PRPF6: variants seen among roughly 807,000 people sequenced by gnomAD.
The protein encoded by PRPF6 is pre-mRNA processing factor 6, also known as pre-mRNA-processing factor 6.
Under a neutral mutation model 118.3 loss-of-function variants are expected in PRPF6, and 42 were observed. That is an observed-to-expected ratio of 0.35 (90% CI 0.28 to 0.46). The LOEUF (loss-of-function observed/expected upper bound fraction) is 0.46, where lower values mean the gene tolerates loss of function less well. Ranked by LOEUF, PRPF6 falls within the 20% of genes least tolerant of loss-of-function variation. The pLI is 1.00. For missense variants in PRPF6, 662 were observed against 1,255.7 expected, an observed-to-expected ratio of 0.53 and a Z score of 7.15; for synonymous variants, 481 against 485.1, an observed-to-expected ratio of 0.99 and a Z score of 0.11.
chr20:64,031,704 A>C lies in PRPF6; in HGVS notation c.2547-214A>C, dbSNP rs6062613. 7.5e-3 allele frequency among the ~76,000 whole-genome samples: 1,137 copies of C among 151,744 alleles called. 6 individuals are homozygous for C. Among genetic ancestry groups the C allele is most frequent in the Non-Finnish European group, 0.012 (841 of 67,922 alleles). On this transcript the variant is annotated intron_variant, in intron 19 of 20. Transcript: ENST00000266079. Reference sequence around the variant, plus strand: ...AAAAAAAAAAAAACAACAAAAAAAAACCAATTTGGTTAGACCCGTGAAGGG... The same window carrying C: ...AAAAAAAAAAAAACAACAAAAAAAACCCAATTTGGTTAGACCCGTGAAGGG...
At position 64,033,070 on chromosome 20, in the gene PRPF6, T is replaced by A. The variant is rs904688584; in HGVS notation, c.*77T>A. ...GAAGGGCTCTGAGCTGTGTCCTCCT[T>A]CATTAAAAGTTTTTATGTCTCGTGT... On this transcript the variant is annotated 3_prime_UTR_variant, in exon 21 of 21. Coordinates refer to ENST00000266079, the MANE Select transcript of PRPF6 (RefSeq NM_012469.4). 1.3e-6 allele frequency: 2 copies of A among 1,590,468 alleles called. No individual in the cohort carries two copies. Among genetic ancestry groups the A allele is most frequent in the Non-Finnish European group, 1.7e-6 (2 of 1,165,260 alleles).
Position 64,011,296 on chromosome 20 carries a change from T to C in PRPF6, c.1317T>C (p.Ala439=), listed in dbSNP as rs1194858176. The C allele has an allele frequency of 3.7e-6, 6 of 1,614,022 alleles. No homozygotes were observed. The highest frequency in any genetic ancestry group is 2.7e-5 in the African/African-American group (2 of 74,930). Residue 439 remains alanine (A), a synonymous_variant, in exon 11 of 21, where the codon GCT becomes GCC. Coordinates refer to ENST00000266079, the MANE Select transcript of PRPF6 (RefSeq NM_012469.4). This position sits in a 1 kb window ranked among gnomAD's most constrained non-coding sequence, Gnocchi z 6.7. Reference sequence around the variant, plus strand: ...TCCTCTCCGCGTAGCTCTGGCTTGCTCTGGCAAGGCTGGAGACCTATGAAA... The same window carrying C: ...TCCTCTCCGCGTAGCTCTGGCTTGCCCTGGCAAGGCTGGAGACCTATGAAA... ...CCPTSVELWL[A]LARLETYENA...
chr20:64,007,037 A>G (rs181250374), intron 9 of PRPF6, among the ~76,000 whole-genome samples: 136 of 152,304 alleles, frequency 8.9e-4, no homozygotes, highest in Non-Finnish European at 1.5e-3. Context: ...GACTCCCCAG[A>G]GGTTGTCAGT....
intron 3 of PRPF6, among the ~76,000 whole-genome samples, 160 bp from the exon 4 acceptor site, chr20:63,993,247 T>G (rs895910815): frequency 7.3e-6 from 1 of 137,818 alleles, no homozygotes; most frequent in Admixed American, 7.3e-5. Flanking sequence ...TGTGTGTGTG[T>G]GTGTGTGTGT....
At chr20:64,005,877 G>A (rs528856069) in intron 9 of PRPF6, among the ~76,000 whole-genome samples, 10 of 152,218 alleles carry the variant, frequency 6.6e-5, no homozygotes, top group African/African-American at 2.4e-4. Context: ...TGGGACTCCA[G>A]GGACATACCA....
At position 64,032,821 on chromosome 20, in the gene PRPF6, G is replaced by A. The variant is rs138298258; in HGVS notation, c.2674-20G>A. Reference sequence around the variant, plus strand: ...TAGCGTGGGAGGACCCCTGCCTGACGTGCCCTGTGGTCCCCCCAGGAGCAG... The same window carrying A: ...TAGCGTGGGAGGACCCCTGCCTGACATGCCCTGTGGTCCCCCCAGGAGCAG... On this transcript the variant is annotated intron_variant, in intron 20 of 20. Transcript: ENST00000266079. 1.5e-4 allele frequency: 234 copies of A among 1,597,326 alleles called. No homozygotes were observed. In the East Asian group the frequency reaches 4.9e-3, roughly 34 times the overall value.
Position 64,031,707 on chromosome 20 carries a change from A to G in PRPF6, c.2547-211A>G, listed in dbSNP as rs1236096345. On this transcript the variant is annotated intron_variant, in intron 19 of 20. Coordinates refer to ENST00000266079, the MANE Select transcript of PRPF6 (RefSeq NM_012469.4). The stretch of plus-strand genomic sequence containing the variant: ...AAAAAAAAAACAACAAAAAAAAACC[A>G]ATTTGGTTAGACCCGTGAAGGGCAG... 4.6e-5 allele frequency among the ~76,000 whole-genome samples: 7 copies of G among 151,260 alleles called. No homozygotes were observed. The East Asian group carries it at 1.4e-3, about 29-fold the overall frequency.
At position 64,028,976 on chromosome 20, in the gene PRPF6, T is replaced by C. The variant is rs2059303285; in HGVS notation, c.2432-401T>C. 6.6e-6 allele frequency among the ~76,000 whole-genome samples: 1 copy of C among 152,156 alleles called. No individual in the cohort carries two copies. Among genetic ancestry groups the C allele is most frequent in the Admixed American group, 6.5e-5 (1 of 15,282 alleles). On this transcript the variant is annotated intron_variant, in intron 18 of 20. Coordinates refer to ENST00000266079, the MANE Select transcript of PRPF6 (RefSeq NM_012469.4). The surrounding 1 kb of genome is among the most constrained non-coding windows in gnomAD (Gnocchi z 6.5). ...AGGAGTCCATTGCTTGAGACCAGCC[T>C]GGCCAACATGGTGAAACCCCGTCTC...
chr20:64,029,970 C>T lies in PRPF6; in HGVS notation c.2546+479C>T, dbSNP rs890945290. On this transcript the variant is annotated intron_variant, in intron 19 of 20. Coordinates refer to ENST00000266079, the MANE Select transcript of PRPF6 (RefSeq NM_012469.4). The surrounding 1 kb of genome is among the most constrained non-coding windows in gnomAD (Gnocchi z 4.8). Reference sequence around the variant, plus strand: ...CGCCGGGTCAGAGACTCACTGGGGACGCGTGTGATTCACACTGGTGCGCTG... The same window carrying T: ...CGCCGGGTCAGAGACTCACTGGGGATGCGTGTGATTCACACTGGTGCGCTG... Among the ~76,000 whole-genome samples, 109 of 152,082 alleles carry T rather than the reference C, an allele frequency of 7.2e-4. 1 individual carries two copies. The highest frequency in any genetic ancestry group is 6.7e-3 in the Admixed American group (103 of 15,288).
chr20:64,031,756 A>G (rs2059315612), intron 19 of PRPF6, among the ~76,000 whole-genome samples, 162 bp from the exon 20 acceptor site: 1 of 151,830 alleles, frequency 6.6e-6, no homozygotes, highest in Non-Finnish European at 1.5e-5. Flanking sequence ...ATCTGGGGTA[A>G]TTATTTCTGG....
chr20:64,033,045 G>C lies in PRPF6; in HGVS notation c.*52G>C. On this transcript the variant is annotated 3_prime_UTR_variant, in exon 21 of 21. Transcript: ENST00000266079. ...GTGGGGCAGGGTTGGGCCGCATGTGGAAGGGCTCTGAGCTGTGTCCTCCTT... is the reference window on the plus strand; with the variant it reads ...GTGGGGCAGGGTTGGGCCGCATGTGCAAGGGCTCTGAGCTGTGTCCTCCTT... The C allele has an allele frequency of 1.2e-6, 2 of 1,610,650 alleles. No homozygotes were observed. Among genetic ancestry groups the C allele is most frequent in the Non-Finnish European group, 1.7e-6 (2 of 1,179,240 alleles).
intron 1 of PRPF6, 31 bp from the exon 2 acceptor site, chr20:63,983,016 A>G (rs1053324218): frequency 1.2e-6 from 2 of 1,611,540 alleles, no homozygotes; most frequent in South Asian, 1.1e-5. Flanking sequence ...AGAGTTATTC[A>G]GACACCCGGT....
At chr20:63,983,461 G>C (rs544528481) in intron 2 of PRPF6, among the ~76,000 whole-genome samples, 1 of 151,052 alleles carries the variant, frequency 6.6e-6, no homozygotes, top group South Asian at 2.1e-4. Context: ...ATTTTCTATT[G>C]CCCAGTCTTT....
At chr20:63,986,316 G>T (rs1285270560) in intron 3 of PRPF6, among the ~76,000 whole-genome samples, 1 of 139,944 alleles carries the variant, frequency 7.1e-6, no homozygotes, top group African/African-American at 2.7e-5. Context: ...CTGCACTCTA[G>T]CCTGGGAGAC....
intron 11 of PRPF6, among the ~76,000 whole-genome samples, chr20:64,013,478 G>A (rs1254804937): frequency 6.7e-6 from 1 of 150,060 alleles, no homozygotes; most frequent in Admixed American, 6.6e-5. Flanking sequence ...ACAGGGTCTC[G>A]CCGTGTTGCT....
chr20:64,023,825 A>C (rs2059276497), intron 13 of PRPF6, among the ~76,000 whole-genome samples: 3 of 151,996 alleles, frequency 2.0e-5, no homozygotes, highest in Non-Finnish European at 4.4e-5. Flanking sequence ...GCTGCCCTTG[A>C]CCCCTGGGCA....
rs929233917 is a variant in PRPF6 at position 64,028,009 on chromosome 20, G to A, written c.2339+273G>A. Among the ~76,000 whole-genome samples, 1 of 152,280 alleles carries A rather than the reference G, an allele frequency of 6.6e-6. No individual in the cohort carries two copies. The highest frequency in any genetic ancestry group is 3.4e-3 in the Middle Eastern group (1 of 294). ...GGGAGGGGTTAATGATGGCTGGGAC[G>A]AGGGAAGGATGGACCCCGGAGAGCC... On this transcript the variant is annotated intron_variant, in intron 17 of 20. Transcript: ENST00000266079. This position sits in a 1 kb window ranked among gnomAD's most constrained non-coding sequence, Gnocchi z 6.5.
rs372095048 is a variant in PRPF6 at position 64,001,163 on chromosome 20, A to G, written c.1110A>G (p.Pro370=). The change falls in exon 9 of 21, where the codon CCA becomes CCG. Residue 370 remains proline, a synonymous_variant. Transcript: ENST00000266079. Reference sequence around the variant, plus strand: ...TAGCCCAAGCTGTCCGTCATCTCCCACAGTCTGTCAGGATTTACATCAGAG... The same window carrying G: ...TAGCCCAAGCTGTCCGTCATCTCCCGCAGTCTGTCAGGATTTACATCAGAG... ...AVVAQAVRHL[P]QSVRIYIRAA... 1.2e-5 allele frequency: 19 copies of G among 1,614,180 alleles called. No homozygotes were observed. Among genetic ancestry groups the G allele is most frequent in the Non-Finnish European group, 1.5e-5 (18 of 1,180,018 alleles).
chr20:64,000,039 C>A (rs547145686), intron 8 of PRPF6, among the ~76,000 whole-genome samples: 1 of 152,044 alleles, frequency 6.6e-6, no homozygotes, highest in Non-Finnish European at 1.5e-5. Context: ...GCAAGCTCCA[C>A]CTGCCAGGTT....
Sources: allele counts gnomAD v4.1 joint callset (sites outside exome capture counted in the v4.1 genomes callset), GRCh38; gene constraint gnomAD v4.1.1; non-coding constraint Gnocchi (gnomAD v3.1); transcripts MANE v1.5; gene names NCBI Gene and HGNC (gene_info 2026-07-23, HGNC 2026-07-21).